Variants in USP36 observed in about 807,000 individuals in gnomAD.
The protein encoded by USP36 is ubiquitin specific peptidase 36.
Under a neutral mutation model 111.5 loss-of-function variants are expected in USP36, and 59 were observed. The ratio of observed to expected loss-of-function variants is 0.53; its 90% CI spans 0.43 to 0.66. The LOEUF is 0.66. USP36 is among the 30% of genes least tolerant of loss of function. USP36 has a pLI of 0.00. For synonymous variants in USP36, 628 were observed against 581.0 expected (o/e 1.08, Z -1.16); for missense variants, 1,488 against 1,468.0 (o/e 1.01, Z -0.22).
At chr17:78,814,929 G>A (rs1020603596) in intron 10 of USP36, among the ~76,000 whole-genome samples, 1 of 151,164 alleles carries the variant, frequency 6.6e-6, no homozygotes, top group African/African-American at 2.4e-5. Flanking sequence ...CAGCCTGGGC[G>A]ACAGAGCGAG....
Position 78,820,018 on chromosome 17 carries a change from G to T in USP36, c.829-6C>A. On this transcript the variant is annotated splice_polypyrimidine_tract_variant and splice_region_variant and intron_variant, in intron 8 of 20. Coordinates refer to ENST00000449938, the MANE Select transcript of USP36 (RefSeq NM_001385174.1). ...CGCACAATATTCGCAGCTTGCTGAG[G>T]AGGACAAAAACAGGGAGTAAAATAC... 1 of 1,613,852 alleles carries T rather than the reference G, an allele frequency of 6.2e-7. No homozygotes were observed. Among genetic ancestry groups the T allele is most frequent in the Non-Finnish European group, 8.5e-7 (1 of 1,179,908 alleles).
chr17:78,804,886 C>T (rs778311844), intron 15 of USP36, among the ~76,000 whole-genome samples: 8 of 152,060 alleles, frequency 5.3e-5, no homozygotes, highest in Non-Finnish European at 1.0e-4. Context: ...TTCCAACCTC[C>T]GAAAGTCTCA....
chr17:78,802,395 T>TG lies in USP36; in HGVS notation c.2950dup (p.Gln984ProfsTer41). 6.2e-7 allele frequency: 1 copy of TG among 1,610,722 alleles called. No homozygotes were observed. The highest frequency in any genetic ancestry group is 8.5e-7 in the Non-Finnish European group (1 of 1,178,748). The stretch of plus-strand genomic sequence containing the variant: ...GCTGGACTCGGGGACAACAGCATCT[T>TG]GGGGCTTGGCACTCCTTGGGCATTT... On this transcript the variant is annotated frameshift_variant, in exon 17 of 21. Coordinates refer to ENST00000449938, the MANE Select transcript of USP36 (RefSeq NM_001385174.1). LOFTEE classifies it high-confidence loss of function.
intron 6 of USP36, among the ~76,000 whole-genome samples, chr17:78,822,886 G>A (rs1029156497): frequency 2.6e-5 from 4 of 152,112 alleles, no homozygotes; most frequent in Admixed American, 1.3e-4. Context: ...TGCGCAGTGC[G>A]CCGGTGCACC....
rs545559053 is a variant in USP36, at chr17:78,834,712, A to C, written c.475+568T>G. ...CCCACCTCTGCCTCCCACAGGTGTG[A>C]GCCACCGTGCCCGGCCTTGATTTGT... is the stretch of plus-strand genomic sequence containing the variant. On this transcript the variant is annotated intron_variant, in intron 4 of 20. Coordinates refer to ENST00000449938, the MANE Select transcript of USP36 (RefSeq NM_001385174.1). 7.2e-5 allele frequency among the ~76,000 whole-genome samples: 11 copies of C among 152,230 alleles called. 1 individual carries two copies. Among genetic ancestry groups the C allele is most frequent in the African/African-American group, 2.2e-4 (9 of 41,522 alleles).
rs1485040957 is a variant in USP36, at chr17:78,799,662, A to G, written c.3124+5T>C. ...CAAACAGAAGTCCTGTCTCCAAATC[A>G]GTACCTTTTCTCCCGTAAGCTTTAT... On this transcript the variant is annotated splice_donor_5th_base_variant and intron_variant, in intron 18 of 20. Coordinates refer to ENST00000449938, the MANE Select transcript of USP36 (RefSeq NM_001385174.1). 1 of 1,611,780 alleles carries G rather than the reference A, an allele frequency of 6.2e-7. No individual in the cohort carries two copies.
Position 78,835,418 on chromosome 17 carries a change from T to A in USP36, c.337A>T (p.Arg113Trp). Residue 113 changes from arginine to tryptophan, a missense_variant, in exon 4 of 21, where the codon AGG becomes TGG. Transcript: ENST00000449938. The stretch of plus-strand genomic sequence containing the variant: ...CCCACGCGGAAGACCCGCTCCCACC[T>A]CAGAGACAGTCGCTCCGTGGGGAAA... ...VLFPTERLSL[R>W]WERVFRVGAG... 6.2e-7 allele frequency: 1 copy of A among 1,614,230 alleles called. No homozygotes were observed. The highest frequency in any genetic ancestry group is 1.1e-5 in the South Asian group (1 of 91,088).
intron 13 of USP36, among the ~76,000 whole-genome samples, chr17:78,811,967 T>C (rs1048202844): frequency 6.6e-6 from 1 of 152,122 alleles, no homozygotes; most frequent in African/African-American, 2.4e-5. Context: ...GACAGGAGAA[T>C]TGCTTGGGCT....
At position 78,809,546 on chromosome 17, in the gene USP36, C is replaced by T. The variant is rs150481067; in HGVS notation, c.1408-1910G>A. Among the ~76,000 whole-genome samples, 459 of 152,270 alleles carry T rather than the reference C, an allele frequency of 3.0e-3. 3 individuals are homozygous for T. Among genetic ancestry groups the T allele is most frequent in the African/African-American group, 9.8e-3 (407 of 41,554 alleles). ...CAGTGAAGCGCCCCTGCAGGTGTGC[C>T]TGACACAGGGACTCTCCTTGAGCCA... On this transcript the variant is annotated intron_variant, in intron 13 of 20. Transcript: ENST00000449938.
chr17:78,826,892 A>T (rs1182552653), intron 6 of USP36: 4 of 585,544 alleles, frequency 6.8e-6, no homozygotes, highest in Non-Finnish European at 1.2e-5. Flanking sequence ...CATGATTTTT[A>T]AGAGACTGAA....
intron 4 of USP36, 102 bp downstream of exon 4, chr17:78,835,178 T>C (rs1311059597): frequency 9.1e-6 from 11 of 1,205,668 alleles, no homozygotes; most frequent in African/African-American, 1.5e-5. Context: ...TGAACTACCC[T>C]CCTAAATTTG....
chr17:78,821,073 C>T lies in USP36; in HGVS notation c.758-12G>A, dbSNP rs1255047874. On this transcript the variant is annotated splice_polypyrimidine_tract_variant and intron_variant, in intron 7 of 20. Transcript: ENST00000449938. ...CACGGAGCACTTCACTGCAACAGAA[C>T]AGAGGCAGTGGAGCAGGTGGGGCCT... 2 of 1,593,290 alleles carry T rather than the reference C, an allele frequency of 1.3e-6. No individual in the cohort carries two copies. Among genetic ancestry groups the T allele is most frequent in the African/African-American group, 1.3e-5 (1 of 74,512 alleles).
intron 10 of USP36, 87 bp downstream of exon 10, chr17:78,818,580 C>A: frequency 8.4e-7 from 1 of 1,194,774 alleles, no homozygotes; most frequent in South Asian, 1.2e-5. Flanking sequence ...CAGCAGCTAT[C>A]AAACTCGTGG....
Position 78,807,098 on chromosome 17 carries a change from C to T in USP36, c.1946G>A (p.Gly649Asp), listed in dbSNP as rs1293002173. Residue 649 changes from glycine (G) to aspartate (D), a missense_variant, in exon 14 of 21, where the codon GGC becomes GAC. Transcript: ENST00000449938. ...DSQETNCSTAGHSKTPPSGAD... is the reference protein window; with the variant it reads ...DSQETNCSTADHSKTPPSGAD... ...TCCACTTGGCGGCGTTTTGGAGTGG[C>T]CAGCGGTGGAACAGTTCGTTTCCTG... The T allele has an allele frequency of 6.2e-7, 1 of 1,614,228 alleles. No homozygotes were observed. The highest frequency in any genetic ancestry group is 8.5e-7 in the Non-Finnish European group (1 of 1,180,032).
chr17:78,801,770 G>GCC (rs2093749808), intron 17 of USP36, among the ~76,000 whole-genome samples: 1 of 152,224 alleles, frequency 6.6e-6, no homozygotes, highest in East Asian at 1.9e-4. Context: ...ACTCAGGCTG[G>GCC]GAGTTCAGGG....
intron 2 of USP36, among the ~76,000 whole-genome samples, chr17:78,836,997 C>T (rs2068749877): frequency 6.6e-6 from 1 of 151,980 alleles, no homozygotes; most frequent in Non-Finnish European, 1.5e-5. Context: ...AAAATGCACA[C>T]CAGATTTTGA....
At chr17:78,815,891 CACAT>C (rs1208583960) in intron 10 of USP36, among the ~76,000 whole-genome samples, 2 of 152,018 alleles carry the variant, frequency 1.3e-5, no homozygotes, top group African/African-American at 4.8e-5. Flanking sequence ...ACATGCACAA[CACAT>C]ACATGCACGC....
intron 6 of USP36, among the ~76,000 whole-genome samples, chr17:78,825,396 C>A (rs1443285890): frequency 2.0e-5 from 3 of 152,128 alleles, no homozygotes; most frequent in Admixed American, 2.0e-4. Context: ...AGAAGCTCAC[C>A]ATTGGTGTCA....
At position 78,827,354 on chromosome 17, in the gene USP36, G is replaced by C. The variant is rs1178717614; in HGVS notation, c.587-7C>G. 3 of 1,607,244 alleles carry C rather than the reference G, an allele frequency of 1.9e-6. No homozygotes were observed. Among genetic ancestry groups the C allele is most frequent in the Non-Finnish European group, 2.6e-6 (3 of 1,175,254 alleles). On this transcript the variant is annotated splice_region_variant and splice_polypyrimidine_tract_variant and intron_variant, in intron 5 of 20. Coordinates refer to ENST00000449938, the MANE Select transcript of USP36 (RefSeq NM_001385174.1). ...CGGAAGTGTCGGGCGATCTCTAAAA[G>C]AGGAAGAAACAGGGAGGGAAGAGCT...
Sources: allele counts gnomAD v4.1 joint callset (sites outside exome capture counted in the v4.1 genomes callset), GRCh38; gene constraint gnomAD v4.1.1; transcripts MANE v1.5; gene names NCBI Gene and HGNC (gene_info 2026-07-23, HGNC 2026-07-21).